The following FAM151B variants were observed in gnomAD, a reference collection of about 807,000 sequenced individuals.
The protein encoded by FAM151B is protein FAM151B.
Under a neutral mutation model 31.2 loss-of-function variants are expected in FAM151B, and 24 were observed. The observed-to-expected ratio is 0.77, with a 90% CI of 0.56 to 1.08. The LOEUF is 1.08. Among genes scored for constraint, FAM151B ranks in the 50% least tolerant of loss-of-function variants. The probability of loss-of-function intolerance (pLI) is 0.00; values close to 1 mark genes in which losing one functional copy is unlikely to be tolerated. For synonymous variants in FAM151B, 105 were observed against 111.4 expected, an observed-to-expected ratio of 0.94 and a Z score of 0.36; for missense variants, 293 against 328.6, an observed-to-expected ratio of 0.89 and a Z score of 0.84.
At chr5:80,541,641 T>A (rs1352645548) in intron 5 of FAM151B, 32 bp from the exon 6 acceptor site, 1 of 1,604,082 alleles carries the variant, frequency 6.2e-7, no homozygotes, top group Non-Finnish European at 8.5e-7. Context: ...CTTCCACTTT[T>A]AACTGTATAA....
intron 1 of FAM151B, among the ~76,000 whole-genome samples, chr5:80,496,098 T>C (rs982503124): frequency 2.6e-5 from 4 of 152,220 alleles, no homozygotes; most frequent in African/African-American, 7.2e-5. Context: ...TTGAGAGAAT[T>C]GACTCTCATT....
intron 5 of FAM151B, among the ~76,000 whole-genome samples, chr5:80,532,409 A>G (rs2112666131): frequency 6.6e-6 from 1 of 152,298 alleles, no homozygotes; most frequent in Middle Eastern, 3.4e-3. Context: ...GAGACTAAGA[A>G]GATCACTATA....
At chr5:80,490,030 A>G (rs1043308850) in intron 1 of FAM151B, among the ~76,000 whole-genome samples, 41 of 150,440 alleles carry the variant, frequency 2.7e-4, no homozygotes, top group Non-Finnish European at 5.9e-4. Context: ...ACACACACAC[A>G]CACACACACA....
chr5:80,534,055 C>T (rs545877285), intron 5 of FAM151B, among the ~76,000 whole-genome samples: 1 of 152,032 alleles, frequency 6.6e-6, no homozygotes, highest in South Asian at 2.1e-4. Flanking sequence ...AATATTGAAC[C>T]ATGAAGAGAT....
intron 1 of FAM151B, among the ~76,000 whole-genome samples, chr5:80,489,260 A>T (rs955675588): frequency 6.6e-6 from 1 of 151,984 alleles, no homozygotes; most frequent in Non-Finnish European, 1.5e-5. Flanking sequence ...TTCCTCAGTT[A>T]TGTTTTTGGT....
intron 1 of FAM151B, chr5:80,499,919 GAA>G (rs1743682612): frequency 6.7e-6 from 1 of 149,822 alleles, no homozygotes. Flanking sequence ...CAAAGGAAAT[GAA>G]ATCACCACTT....
intron 1 of FAM151B, chr5:80,498,442 A>G: frequency 2.3e-6 from 1 of 442,950 alleles, no homozygotes; most frequent in Non-Finnish European, 4.2e-6. Context: ...GCAGTTTCCG[A>G]TAGCCATTTT....
At position 80,542,177 on chromosome 5, in the gene FAM151B, C is replaced by G. The variant is rs940419121; in HGVS notation, c.*345C>G. 4.6e-5 allele frequency: 8 copies of G among 173,570 alleles called. No individual in the cohort carries two copies. The highest frequency in any genetic ancestry group is 8.4e-5 in the Non-Finnish European group (7 of 82,940). 10.8% of individuals were successfully genotyped at this position (173,570 alleles called of 1,614,324 possible). On this transcript the variant is annotated 3_prime_UTR_variant, in exon 6 of 6. Coordinates refer to ENST00000282226, the MANE Select transcript of FAM151B (RefSeq NM_205548.3). ...ATAAATCACATGTGCTTGGCACTTG[C>G]ATTACAGAGATTATGAAAAATATGG...
chr5:80,501,312 G>C, intron 1 of FAM151B: 1 of 964,284 alleles, frequency 1.0e-6, no homozygotes, highest in Non-Finnish European at 1.6e-6. Context: ...GAGCCACCGC[G>C]CCCGGCCGAG....
chr5:80,538,402 T>G, intron 5 of FAM151B, among the ~76,000 whole-genome samples: 1 of 48,036 alleles, frequency 2.1e-5, no homozygotes, highest in East Asian at 6.4e-4. Flanking sequence ...CTTTCTTTCT[T>G]TCTTTCTTTC....
At chr5:80,527,599 A>G (rs1745030359) in intron 5 of FAM151B, among the ~76,000 whole-genome samples, 1 of 152,200 alleles carries the variant, frequency 6.6e-6, no homozygotes, top group Non-Finnish European at 1.5e-5. Flanking sequence ...ATTATAACAC[A>G]GTGGTAAGTA....
intron 5 of FAM151B, 91 bp downstream of exon 5, chr5:80,522,229 T>C: frequency 7.4e-7 from 1 of 1,347,148 alleles, no homozygotes. Context: ...AGACAGTGTG[T>C]GTGAGAGAAA....
intron 1 of FAM151B, among the ~76,000 whole-genome samples, chr5:80,489,807 T>C (rs1489408609): frequency 6.7e-6 from 1 of 148,590 alleles, no homozygotes; most frequent in Non-Finnish European, 1.5e-5. Flanking sequence ...GCCTGTAGTC[T>C]CAACTACTAA....
chr5:80,488,205 C>G (rs1197662164), intron 1 of FAM151B, 57 bp downstream of exon 1: 3 of 1,513,498 alleles, frequency 2.0e-6, no homozygotes, highest in Non-Finnish European at 2.7e-6. Context: ...GAGGCTCCGC[C>G]GGCCGTACCC....
At chr5:80,493,509 A>G (rs149846755) in intron 1 of FAM151B, among the ~76,000 whole-genome samples, 427 of 152,326 alleles carry the variant, frequency 2.8e-3, no homozygotes, top group African/African-American at 9.9e-3. Flanking sequence ...TCCTTCTTGC[A>G]GAAAGCCTAT....
chr5:80,488,111 G>C lies in FAM151B; in HGVS notation c.-13G>C. On this transcript the variant is annotated 5_prime_UTR_variant, in exon 1 of 6. Coordinates refer to ENST00000282226, the MANE Select transcript of FAM151B (RefSeq NM_205548.3). ...CAGCCTGGGCGCCTGCGCGGACGGC[G>C]GGCGTCGTCACCATGGCAGCATCCG... is the stretch of plus-strand genomic sequence containing the variant. 1 of 1,540,982 alleles carries C rather than the reference G, an allele frequency of 6.5e-7. No homozygotes were observed. The highest frequency in any genetic ancestry group is 8.7e-7 in the Non-Finnish European group (1 of 1,146,964).
At chr5:80,521,718 AT>A (rs550602040) in intron 4 of FAM151B, among the ~76,000 whole-genome samples, 1 of 151,984 alleles carries the variant, frequency 6.6e-6, no homozygotes, top group African/African-American at 2.4e-5. Flanking sequence ...AGTGGTGTAA[AT>A]TTTTTTTCTT....
rs760289839 is a variant in FAM151B at position 80,519,813 on chromosome 5, T to C, written c.438T>C (p.Asp146=). ...PGPNGNSKVI[D]AKPFLDTVIS... ...CAAATGGAAATAGCAAAGTAATAGA[T>C]GCAAAACCATTTTTAGACACCGTGA... is the stretch of plus-strand genomic sequence containing the variant. Residue 146 remains aspartate (D), a synonymous_variant, in exon 4 of 6, where the codon GAT becomes GAC. Coordinates refer to ENST00000282226, the MANE Select transcript of FAM151B (RefSeq NM_205548.3). 2.5e-6 allele frequency: 4 copies of C among 1,614,152 alleles called. No homozygotes were observed. The South Asian group carries it at 4.4e-5, about 18-fold the overall frequency.
At chr5:80,521,925 A>G in intron 4 of FAM151B, 78 bp from the exon 5 acceptor site, 1 of 1,030,566 alleles carries the variant, frequency 9.7e-7, no homozygotes, top group Non-Finnish European at 1.4e-6. Context: ...TTACCTAATT[A>G]TAGGTAATTT....
Sources: allele counts gnomAD v4.1 joint callset (sites outside exome capture counted in the v4.1 genomes callset), GRCh38; gene constraint gnomAD v4.1.1; transcripts MANE v1.5; gene names NCBI Gene and HGNC (gene_info 2026-07-23, HGNC 2026-07-21).